The following TFEC variants were observed in gnomAD, a reference collection of about 807,000 sequenced individuals.
The protein encoded by TFEC is class E basic helix-loop-helix protein 34.
TFEC carries 31 observed loss-of-function variants against 41.6 expected under a neutral mutation model. The ratio of observed to expected loss-of-function variants is 0.74; its 90% confidence interval spans 0.56 to 1.01. TFEC has a LOEUF of 1.01. Among genes scored for constraint, TFEC ranks in the 50% least tolerant of loss-of-function variants. TFEC has a pLI of 0.00. For missense variants in TFEC, 402 were observed against 404.1 expected (o/e 0.99, Z 0.04); for synonymous variants, 143 against 140.6 (o/e 1.02, Z -0.12).
chr7:116,069,319 G>A (rs193250101), intron 3 of TFEC, among the ~76,000 whole-genome samples: 3 of 151,544 alleles, frequency 2.0e-5, no homozygotes, highest in Admixed American at 1.3e-4. Context: ...CCCTATTTGG[G>A]TATATTTTGA....
chr7:116,014,144 C>T (rs528093855), intron 1 of TFEC, among the ~76,000 whole-genome samples: 1 of 151,942 alleles, frequency 6.6e-6, no homozygotes, highest in Non-Finnish European at 1.5e-5. Context: ...CCTCTAATTC[C>T]CTTTCACAAG....
chr7:116,098,867 A>AAAGG (rs59276209), intron 3 of TFEC, among the ~76,000 whole-genome samples: 17,434 of 114,790 alleles, frequency 0.15, 1,578 homozygotes, highest in East Asian at 0.24. Flanking sequence ...GAGAGGAAGA[A>AAAGG]AAGGAAGGAA....
At chr7:116,030,964 T>C (rs1795765567), upstream of TFEC, among the ~76,000 whole-genome samples, 1 of 152,146 alleles carries the variant, frequency 6.6e-6, no homozygotes, top group Non-Finnish European at 1.5e-5. Context: ...TACTCCACAA[T>C]ACTGTGGCCA....
intron 1 of TFEC, among the ~76,000 whole-genome samples, chr7:115,998,816 C>T (rs1794470850): frequency 6.6e-6 from 1 of 151,024 alleles, no homozygotes; most frequent in Non-Finnish European, 1.5e-5. Flanking sequence ...AAAACTGGAG[C>T]ATCCAGATAT....
At chr7:116,047,596 G>T (rs1049227052) in intron 3 of TFEC, among the ~76,000 whole-genome samples, 10 of 152,186 alleles carry the variant, frequency 6.6e-5, no homozygotes, top group Admixed American at 1.3e-4. Flanking sequence ...TGAACAAAAG[G>T]CAGCAGAAAC....
At chr7:115,941,165 A>G (rs1793476837) in intron 7 of TFEC, 2 of 431,802 alleles carry the variant, frequency 4.6e-6, no homozygotes, top group East Asian at 8.0e-5. Flanking sequence ...TGTTCTACAA[A>G]GGTTATGACT....
At chr7:116,027,074 G>C (rs1270456564) in intron 1 of TFEC, among the ~76,000 whole-genome samples, 2 of 151,798 alleles carry the variant, frequency 1.3e-5, no homozygotes, top group Admixed American at 1.3e-4. Context: ...AAATCCATTT[G>C]AGTCTACACA....
At chr7:116,101,197 CA>C (rs1291433203) in intron 3 of TFEC, among the ~76,000 whole-genome samples, 7 of 139,802 alleles carry the variant, frequency 5.0e-5, no homozygotes, top group Admixed American at 2.1e-4. Flanking sequence ...TGCCCCCCCC[CA>C]AAAAAAAGAA....
chr7:116,135,924 AAAAATTGCTTTAG>A (rs1270491848), intron 1 of TFEC, among the ~76,000 whole-genome samples: 1 of 152,158 alleles, frequency 6.6e-6, no homozygotes, highest in African/African-American at 2.4e-5. Context: ...ACTAATACAA[AAAAATTGCTTTAG>A]AAAATTAGCT....
At position 115,935,762 on chromosome 7, in the gene TFEC, C is replaced by G. The variant is rs1192432220; in HGVS notation, c.*4789G>C. On this transcript the variant is annotated 3_prime_UTR_variant, in exon 8 of 8. Coordinates refer to ENST00000265440, the MANE Select transcript of TFEC (RefSeq NM_012252.4). ...TGCAGGGATAAAAGAGGTAGTATTA[C>G]AAACACAAAAGTCTTTACTGTTATT... 7 of 151,422 alleles carry G rather than the reference C, an allele frequency of 4.6e-5. No homozygotes were observed. Among genetic ancestry groups the G allele is most frequent in the African/African-American group, 1.7e-4 (7 of 41,352 alleles). The allele number at this position is 151,422 out of a possible 1,614,324, so 9.4% of individuals were successfully genotyped here. A position where few individuals can be genotyped will look rare whatever the true frequency, so the allele number is the denominator to read the frequency against.
chr7:115,995,595 G>A (rs1376820262), intron 1 of TFEC, among the ~76,000 whole-genome samples: 1 of 152,146 alleles, frequency 6.6e-6, no homozygotes, highest in Non-Finnish European at 1.5e-5. Context: ...TGAACAACTA[G>A]CCACACATAA....
At chr7:116,074,647 A>C (rs1796911859) in intron 3 of TFEC, among the ~76,000 whole-genome samples, 1 of 152,132 alleles carries the variant, frequency 6.6e-6, no homozygotes, top group Non-Finnish European at 1.5e-5. Context: ...AATGTTTATA[A>C]ATTTCTGGTG....
At chr7:116,055,092 C>G (rs1195812587) in intron 3 of TFEC, among the ~76,000 whole-genome samples, 1 of 152,054 alleles carries the variant, frequency 6.6e-6, no homozygotes, top group African/African-American at 2.4e-5. Context: ...TGGGCAAGCT[C>G]CCTGATCATC....
At chr7:116,018,496 C>A (rs1233073408) in intron 1 of TFEC, among the ~76,000 whole-genome samples, 2 of 152,040 alleles carry the variant, frequency 1.3e-5, no homozygotes, top group African/African-American at 4.8e-5. Flanking sequence ...GAAAGGGTGA[C>A]TAATTAAGTA....
At chr7:116,109,602 T>C (rs958011880) in intron 3 of TFEC, among the ~76,000 whole-genome samples, 4 of 152,122 alleles carry the variant, frequency 2.6e-5, no homozygotes, top group Non-Finnish European at 5.9e-5. Flanking sequence ...TGTGGAGAAA[T>C]AGGAACACTT....
chr7:116,091,257 A>T (rs576122748), intron 3 of TFEC, among the ~76,000 whole-genome samples: 83 of 152,232 alleles, frequency 5.5e-4, no homozygotes, highest in Non-Finnish European at 1.1e-3. Flanking sequence ...TATGAAGAAC[A>T]TTGAATAATA....
In TFEC at chr7:115,944,013, A is replaced by ATTTTTTTTTTTTT. The variant is rs1160114562; in HGVS notation, c.516-1986_516-1974dup. 3.4e-3 allele frequency among the ~76,000 whole-genome samples: 77 copies of ATTTTTTTTTTTTT among 22,834 alleles called. 12 individuals carry two copies. Among genetic ancestry groups the ATTTTTTTTTTTTT allele is most frequent in the African/African-American group, 7.3e-3 (59 of 8,040 alleles). The allele number at this position is 22,834 out of a possible 152,430, so 15.0% of individuals were successfully genotyped here. A position where few individuals can be genotyped will look rare whatever the true frequency, so the allele number is the denominator to read the frequency against. On this transcript the variant is annotated intron_variant, in intron 6 of 7. Coordinates refer to ENST00000265440, the MANE Select transcript of TFEC (RefSeq NM_012252.4). ...GAAAATAATACTATGACAGGTCTGA[A>ATTTTTTTTTTTTT]TTTTTTTTTTTTTTTTTTTTTTTTT...
At chr7:116,018,820 G>A (rs1795288352) in intron 1 of TFEC, among the ~76,000 whole-genome samples, 1 of 152,114 alleles carries the variant, frequency 6.6e-6, no homozygotes, top group Admixed American at 6.5e-5. Context: ...TAAGGTAGAG[G>A]CCCCAACTGA....
At chr7:116,087,952 C>A (rs1038598287) in intron 3 of TFEC, among the ~76,000 whole-genome samples, 3 of 152,064 alleles carry the variant, frequency 2.0e-5, no homozygotes, top group Non-Finnish European at 4.4e-5. Flanking sequence ...TAGTATTATT[C>A]TTGCCATATA....
Sources: allele counts gnomAD v4.1 joint callset (sites outside exome capture counted in the v4.1 genomes callset), GRCh38; gene constraint gnomAD v4.1.1; transcripts MANE v1.5; gene names NCBI Gene and HGNC (gene_info 2026-07-23, HGNC 2026-07-21).